Variants in LRP1B observed in about 807,000 individuals in gnomAD.
LRP1B encodes the protein low-density lipoprotein receptor-related protein 1B.
LRP1B carries 217 observed loss-of-function variants against 556.6 expected under a neutral mutation model. That is an observed-to-expected ratio of 0.39 (90% confidence interval 0.35 to 0.44). LRP1B has a LOEUF of 0.44. LRP1B is among the 20% of genes least tolerant of loss of function. The pLI, the probability that LRP1B is intolerant of heterozygous loss-of-function variation, is 1.00. For missense variants in LRP1B, 5,053 were observed against 5,620.8 expected (o/e 0.90, Z 3.23); for synonymous variants, 2,047 against 1,865.8 (o/e 1.10, Z -2.50).
intron 53 of LRP1B, among the ~76,000 whole-genome samples, chr2:140,505,645 A>G (rs1220614056): frequency 6.6e-6 from 1 of 152,214 alleles, no homozygotes; most frequent in Non-Finnish European, 1.5e-5. Context: ...TCAGATTTAT[A>G]TCTTGTGTTA....
chr2:140,801,272 C>G (rs143167420), intron 32 of LRP1B, among the ~76,000 whole-genome samples: 1 of 152,090 alleles, frequency 6.6e-6, no homozygotes, highest in Non-Finnish European at 1.5e-5. Flanking sequence ...AGAGAAAGAT[C>G]GCCAATCACA....
chr2:140,948,793 A>G (rs1437263412), intron 20 of LRP1B, among the ~76,000 whole-genome samples: 4 of 152,216 alleles, frequency 2.6e-5, no homozygotes, highest in South Asian at 2.1e-4. Flanking sequence ...GATCTTTACT[A>G]TGACTCTTAT....
intron 86 of LRP1B, among the ~76,000 whole-genome samples, chr2:140,267,126 G>A (rs1682240528): frequency 6.6e-6 from 1 of 152,012 alleles, no homozygotes; most frequent in African/African-American, 2.4e-5. Flanking sequence ...CATAAAATAT[G>A]TGAAGGGTTT....
At chr2:142,069,355 C>T (rs1705228211) in intron 1 of LRP1B, among the ~76,000 whole-genome samples, 1 of 151,562 alleles carries the variant, frequency 6.6e-6, no homozygotes, top group Admixed American at 6.6e-5. Flanking sequence ...AAATAAATCA[C>T]TGATAATTAA....
chr2:140,846,361 C>A (rs957004238), intron 29 of LRP1B, among the ~76,000 whole-genome samples: 1 of 152,078 alleles, frequency 6.6e-6, no homozygotes, highest in African/African-American at 2.4e-5. Flanking sequence ...ATTTCTACCT[C>A]CCCTCACGAA....
At chr2:140,644,589 T>C (rs1684414242) in intron 41 of LRP1B, among the ~76,000 whole-genome samples, 2 of 151,938 alleles carry the variant, frequency 1.3e-5, no homozygotes, top group Admixed American at 1.3e-4. Flanking sequence ...TTATTTTTTA[T>C]TTTTGTAGAA....
At chr2:141,479,619 G>A (rs551965577) in intron 3 of LRP1B, among the ~76,000 whole-genome samples, 2 of 152,234 alleles carry the variant, frequency 1.3e-5, no homozygotes, top group Admixed American at 1.3e-4. Flanking sequence ...TTCCAGTACA[G>A]TTGTTTCTTT....
chr2:140,647,098 G>T (rs373000628), intron 41 of LRP1B, among the ~76,000 whole-genome samples: 1 of 151,906 alleles, frequency 6.6e-6, no homozygotes, highest in Non-Finnish European at 1.5e-5. Context: ...GTTTTTCTCC[G>T]CATTTAAATG....
At chr2:141,345,659 T>G (rs1453023981) in intron 3 of LRP1B, among the ~76,000 whole-genome samples, 7 of 35,156 alleles carry the variant, frequency 2.0e-4, no homozygotes, top group East Asian at 1.9e-3. Flanking sequence ...CTGGCTAATT[T>G]TTTTTTTTTT....
intron 2 of LRP1B, among the ~76,000 whole-genome samples, chr2:141,597,668 C>T (rs1687573215): frequency 6.6e-6 from 1 of 151,940 alleles, no homozygotes; most frequent in Non-Finnish European, 1.5e-5. Context: ...TATGAAGTTT[C>T]TTTCTGGATC....
intron 1 of LRP1B, among the ~76,000 whole-genome samples, chr2:141,845,484 T>C (rs924103175): frequency 2.0e-5 from 3 of 151,954 alleles, no homozygotes; most frequent in African/African-American, 7.2e-5. Flanking sequence ...TTCATATATA[T>C]GAAAATATCA....
intron 7 of LRP1B, among the ~76,000 whole-genome samples, chr2:141,116,341 C>A (rs2104982812): frequency 6.6e-6 from 1 of 152,186 alleles, no homozygotes; most frequent in Admixed American, 6.5e-5. Context: ...AGAAGTAAAG[C>A]AAATACTCAG....
At chr2:141,494,183 C>T (rs1683434430) in intron 2 of LRP1B, among the ~76,000 whole-genome samples, 1 of 152,118 alleles carries the variant, frequency 6.6e-6, no homozygotes, top group African/African-American at 2.4e-5. Flanking sequence ...TGAAGGATGT[C>T]AACATCACAG....
At chr2:141,566,559 G>T (rs1686337921) in intron 2 of LRP1B, among the ~76,000 whole-genome samples, 1 of 152,146 alleles carries the variant, frequency 6.6e-6, no homozygotes, top group Non-Finnish European at 1.5e-5. Context: ...CATTATGTGT[G>T]GTCTTCCAGT....
chr2:141,457,906 G>T (rs1031443132), intron 3 of LRP1B, among the ~76,000 whole-genome samples: 1 of 152,146 alleles, frequency 6.6e-6, no homozygotes, highest in Non-Finnish European at 1.5e-5. Flanking sequence ...ATTTGCAGGT[G>T]GCAATAAGGC....
intron 2 of LRP1B, among the ~76,000 whole-genome samples, chr2:141,560,725 C>CT (rs895492128): frequency 2.0e-5 from 3 of 151,152 alleles, no homozygotes; most frequent in Admixed American, 6.6e-5. Flanking sequence ...AAATAAAGTA[C>CT]TTTTTTTTAG....
At chr2:141,803,762 C>T (rs903010538) in intron 2 of LRP1B, among the ~76,000 whole-genome samples, 13 of 152,046 alleles carry the variant, frequency 8.6e-5, no homozygotes, top group African/African-American at 2.9e-4. Flanking sequence ...TGCTAATAAC[C>T]TCCCACCTGA....
intron 35 of LRP1B, among the ~76,000 whole-genome samples, chr2:140,756,884 T>C (rs913548517): frequency 1.3e-5 from 2 of 152,188 alleles, no homozygotes; most frequent in South Asian, 2.1e-4. Flanking sequence ...AAAAAAACTA[T>C]AGCATGGCAG....
chr2:141,544,341 T>TTC (rs1685438131), intron 2 of LRP1B, among the ~76,000 whole-genome samples: 2 of 71,532 alleles, frequency 2.8e-5, no homozygotes, highest in African/African-American at 1.2e-4. Context: ...CTTCTTCTTC[T>TTC]TCTTCTTCTT....
Sources: gnomAD v4.1 joint callset for allele counts (sites outside exome capture counted in the v4.1 genomes callset) on GRCh38, gnomAD v4.1.1 for gene constraint, MANE v1.5 for transcripts, NCBI Gene and HGNC (gene_info 2026-07-23, HGNC 2026-07-21) for gene names.